The following NRF1 variants were observed in gnomAD, a reference collection of about 807,000 sequenced individuals.
NRF1 encodes alpha palindromic-binding protein.
A neutral mutation model predicts 58.5 loss-of-function variants in NRF1; 5 were observed. The observed-to-expected ratio is 0.09, with a 90% CI of 0.04 to 0.18. The LOEUF is 0.18. NRF1 is among the 10% of genes least tolerant of loss of function. NRF1 has a pLI of 1.00. For synonymous variants in NRF1, 224 were observed against 246.7 expected, an observed-to-expected ratio of 0.91 and a Z score of 0.86; for missense variants, 288 against 657.7, an observed-to-expected ratio of 0.44 and a Z score of 6.15.
At chr7:129,706,837 T>C (rs1802961543) in intron 5 of NRF1, among the ~76,000 whole-genome samples, 1 of 152,048 alleles carries the variant, frequency 6.6e-6, no homozygotes, top group Non-Finnish European at 1.5e-5. Flanking sequence ...TCACCAGAAT[T>C]AGGGAATATA....
intron 1 of NRF1, among the ~76,000 whole-genome samples, chr7:129,639,209 G>A (rs1008180060): frequency 3.3e-5 from 5 of 151,884 alleles, no homozygotes; most frequent in African/African-American, 4.8e-5. Flanking sequence ...ATAGGCGTGC[G>A]CCACCATGCC....
intron 2 of NRF1, among the ~76,000 whole-genome samples, chr7:129,659,939 C>T (rs1011901681): frequency 6.6e-6 from 1 of 152,074 alleles, no homozygotes; most frequent in African/African-American, 2.4e-5. Context: ...CATTTTCATG[C>T]TGCTGATAAG....
At chr7:129,724,515 C>G (rs1008069226) in intron 9 of NRF1, among the ~76,000 whole-genome samples, 6 of 152,176 alleles carry the variant, frequency 3.9e-5, no homozygotes, top group African/African-American at 1.4e-4. Flanking sequence ...TATGTTGCAG[C>G]AAATCCACTT....
chr7:129,756,860 TTTG>T lies in NRF1; in HGVS notation c.*1682_*1684del, dbSNP rs1381203069. 6.6e-6 allele frequency: 1 copy of T among 152,548 alleles called. No homozygotes were observed. Among genetic ancestry groups the T allele is most frequent in the African/African-American group, 2.4e-5 (1 of 41,430 alleles). 9.4% of individuals were successfully genotyped at this position (152,548 alleles called of 1,614,324 possible). A position where few individuals can be genotyped will look rare whatever the true frequency, so the allele number is the denominator to read the frequency against. ...CATATAAATAGTCCTAGTTCTACAATTTGTTATTTTTTTAATTATTATTTTTTA... is the reference window on the plus strand; with the variant it reads ...CATATAAATAGTCCTAGTTCTACAATTTATTTTTTTAATTATTATTTTTTA... On this transcript the variant is annotated 3_prime_UTR_variant, in exon 11 of 11. Coordinates refer to ENST00000393232, the MANE Select transcript of NRF1 (RefSeq NM_005011.5).
intron 5 of NRF1, among the ~76,000 whole-genome samples, chr7:129,693,247 G>A (rs948631585): frequency 1.3e-5 from 2 of 152,208 alleles, no homozygotes; most frequent in Non-Finnish European, 2.9e-5. Context: ...GGACGCTGAC[G>A]CTGCTGCTCA....
intron 10 of NRF1, among the ~76,000 whole-genome samples, chr7:129,752,041 C>T (rs10234904): frequency 0.18 from 27,144 of 152,178 alleles, 2,680 homozygotes; most frequent in East Asian, 0.47. Context: ...CAACTTGTGG[C>T]ACACTTTGTA....
At chr7:129,750,133 C>T (rs1175099350) in intron 10 of NRF1, among the ~76,000 whole-genome samples, 1 of 152,036 alleles carries the variant, frequency 6.6e-6, no homozygotes, top group East Asian at 1.9e-4. Context: ...TCTACAAGGG[C>T]CCTGTAAGAA....
chr7:129,636,589 T>A (rs1801173425), intron 1 of NRF1, among the ~76,000 whole-genome samples: 1 of 152,196 alleles, frequency 6.6e-6, no homozygotes, highest in Non-Finnish European at 1.5e-5. Flanking sequence ...AATGATATGT[T>A]TATGCCTGTG....
intron 1 of NRF1, among the ~76,000 whole-genome samples, chr7:129,629,524 C>T (rs926782448): frequency 6.6e-6 from 1 of 151,860 alleles, no homozygotes; most frequent in South Asian, 2.1e-4. Flanking sequence ...ATCTGTCAGC[C>T]TCAGCCTCCC....
intron 1 of NRF1, among the ~76,000 whole-genome samples, chr7:129,649,571 A>G (rs960850418): frequency 1.4e-4 from 21 of 152,114 alleles, no homozygotes; most frequent in Admixed American, 8.5e-4. Flanking sequence ...AAATTCCAGT[A>G]GCTCCTTAGG....
chr7:129,701,933 A>G (rs776699313), intron 5 of NRF1, among the ~76,000 whole-genome samples: 29 of 152,206 alleles, frequency 1.9e-4, no homozygotes, highest in Non-Finnish European at 2.9e-4. Flanking sequence ...GAAGATCTCT[A>G]TGACAAAATG....
In NRF1 at chr7:129,657,378, C is replaced by G; in HGVS notation, c.27C>G (p.Thr9=). The change falls in exon 2 of 11, where the codon ACC becomes ACG. Residue 9 remains threonine, a synonymous_variant. Coordinates refer to ENST00000393232, the MANE Select transcript of NRF1 (RefSeq NM_005011.5). ...TGGAGGAACACGGAGTGACCCAAAC[C>G]GAACATATGGCTACCATAGAAGCAC... MEEHGVTQ[T]EHMATIEAHA... is the part of the protein sequence containing the mutation. 6.2e-7 allele frequency: 1 copy of G among 1,614,086 alleles called. No homozygotes were observed. Among genetic ancestry groups the G allele is most frequent in the Non-Finnish European group, 8.5e-7 (1 of 1,180,002 alleles).
At chr7:129,748,894 C>T (rs1804046611) in intron 10 of NRF1, among the ~76,000 whole-genome samples, 1 of 152,186 alleles carries the variant, frequency 6.6e-6, no homozygotes, top group African/African-American at 2.4e-5. Flanking sequence ...AAACTCATTG[C>T]CCCAGGAGAG....
intron 10 of NRF1, among the ~76,000 whole-genome samples, chr7:129,728,723 CAT>C (rs1235772216): frequency 3.9e-5 from 6 of 152,170 alleles, no homozygotes; most frequent in Non-Finnish European, 7.4e-5. Context: ...AGAAGAATAA[CAT>C]AGGAAATGCA....
rs146554142 is a variant in NRF1, at chr7:129,720,480, C to T, written c.1223+3104C>T. Among the ~76,000 whole-genome samples the T allele has an allele frequency of 3.2e-3, 486 of 152,270 alleles. 3 individuals are homozygous for T. The highest frequency in any genetic ancestry group is 5.2e-3 in the Non-Finnish European group (355 of 68,020). On this transcript the variant is annotated intron_variant, in intron 9 of 10. Coordinates refer to ENST00000393232, the MANE Select transcript of NRF1 (RefSeq NM_005011.5). ...TACACAGAGAAATCTGGTCTTTGTT[C>T]CTATGATGACAAAGCAGTTTCATAA...
At chr7:129,695,622 T>C (rs146285038) in intron 5 of NRF1, among the ~76,000 whole-genome samples, 1 of 150,162 alleles carries the variant, frequency 6.7e-6, no homozygotes, top group African/African-American at 2.4e-5. Context: ...GCATTTCTTA[T>C]ATACTGTAGT....
intron 1 of NRF1, among the ~76,000 whole-genome samples, chr7:129,625,738 G>A (rs1800899844): frequency 7.4e-6 from 1 of 134,264 alleles, no homozygotes; most frequent in South Asian, 2.4e-4. Context: ...CTGGAGTGCA[G>A]TGGTGCGATC....
At chr7:129,731,322 T>C (rs1803574555) in intron 10 of NRF1, among the ~76,000 whole-genome samples, 1 of 151,670 alleles carries the variant, frequency 6.6e-6, no homozygotes, top group Admixed American at 6.6e-5. Flanking sequence ...AGTTTAAATT[T>C]TGGATCACCA....
intron 4 of NRF1, among the ~76,000 whole-genome samples, chr7:129,689,001 A>G (rs1242614925): frequency 6.6e-6 from 1 of 152,184 alleles, no homozygotes; most frequent in Non-Finnish European, 1.5e-5. Flanking sequence ...AGAAAATACA[A>G]TCCTGTAAAG....
Sources: allele counts gnomAD v4.1 joint callset (sites outside exome capture counted in the v4.1 genomes callset), GRCh38; gene constraint gnomAD v4.1.1; transcripts MANE v1.5; gene names NCBI Gene and HGNC (gene_info 2026-07-23, HGNC 2026-07-21).